FCHO2: variants seen among roughly 807,000 people sequenced by gnomAD.
FCHO2 encodes FCH and mu domain containing endocytic adaptor 2.
Under a neutral mutation model 114.1 loss-of-function variants are expected in FCHO2, and 43 were observed. The ratio of observed to expected loss-of-function variants is 0.38; its 90% CI spans 0.30 to 0.49. The LOEUF (loss-of-function observed/expected upper bound fraction) is 0.49. Among genes scored for constraint, FCHO2 ranks in the 20% least tolerant of loss-of-function variants. The pLI is 0.97. For missense variants in FCHO2, 807 were observed against 950.4 expected (o/e 0.85, Z 1.98); for synonymous variants, 293 against 315.2 (o/e 0.93, Z 0.75).
At chr5:73,017,340 T>TA in intron 8 of FCHO2, 32 bp downstream of exon 8, 1 of 1,401,490 alleles carries the variant, frequency 7.1e-7, no homozygotes. Flanking sequence ...GGAAACATTT[T>TA]AAATTTTCCC....
At chr5:73,001,246 A>C (rs1754416976) in intron 5 of FCHO2, among the ~76,000 whole-genome samples, 1 of 151,994 alleles carries the variant, frequency 6.6e-6, no homozygotes, top group Admixed American at 6.6e-5. Context: ...AAAGTTTTTA[A>C]AAAAATTAGT....
intron 2 of FCHO2, among the ~76,000 whole-genome samples, chr5:72,973,542 G>A (rs1290178452): frequency 2.6e-5 from 4 of 151,818 alleles, no homozygotes; most frequent in Admixed American, 1.3e-4. Flanking sequence ...TGGGATCGGT[G>A]GTGATATCCC....
chr5:73,030,098 G>A (rs904561169), intron 8 of FCHO2, among the ~76,000 whole-genome samples: 1 of 146,404 alleles, frequency 6.8e-6, no homozygotes, highest in African/African-American at 2.5e-5. Flanking sequence ...CTGGAGTGTA[G>A]TGACATGATC....
At chr5:73,017,421 C>G (rs1297198304) in intron 8 of FCHO2, 113 bp downstream of exon 8, 3 of 539,410 alleles carry the variant, frequency 5.6e-6, no homozygotes. Flanking sequence ...TATCACATAT[C>G]TGAAGTTAAA....
intron 1 of FCHO2, among the ~76,000 whole-genome samples, chr5:72,962,579 C>T (rs1170617177): frequency 6.6e-6 from 1 of 152,002 alleles, no homozygotes; most frequent in Non-Finnish European, 1.5e-5. Context: ...TTTCAGTTTT[C>T]TTAGTGTGGA....
chr5:73,057,090 A>AT (rs1394209871), intron 16 of FCHO2, among the ~76,000 whole-genome samples: 1 of 126,696 alleles, frequency 7.9e-6, no homozygotes, highest in African/African-American at 3.5e-5. Flanking sequence ...CTCCCAGCTA[A>AT]TTTTTTTCAA....
intron 8 of FCHO2, among the ~76,000 whole-genome samples, chr5:73,024,300 A>C (rs1755796587): frequency 6.6e-6 from 1 of 152,154 alleles, no homozygotes; most frequent in African/African-American, 2.4e-5. Flanking sequence ...GGACTGAAGC[A>C]ATCCTTCTGT....
chr5:73,060,537 T>G (rs1757806508), intron 17 of FCHO2, among the ~76,000 whole-genome samples: 3 of 152,054 alleles, frequency 2.0e-5, no homozygotes, highest in South Asian at 4.1e-4. Context: ...TACTCGCTAG[T>G]TACAACCAGT....
At chr5:72,990,657 G>A in intron 4 of FCHO2, 38 bp downstream of exon 4, 3 of 1,530,384 alleles carry the variant, frequency 2.0e-6, no homozygotes, top group South Asian at 1.3e-5. Context: ...TGATTGGTCA[G>A]ATATTGAATA....
intron 5 of FCHO2, among the ~76,000 whole-genome samples, chr5:72,996,184 A>C (rs905537147): frequency 6.6e-6 from 1 of 150,582 alleles, no homozygotes; most frequent in African/African-American, 2.4e-5. Context: ...TAGAGGTTGC[A>C]GTGAGCCAAG....
In FCHO2 at chr5:73,058,510, C is replaced by T; in HGVS notation, c.1331C>T (p.Thr444Ile). 1 of 1,405,416 alleles carries T rather than the reference C, an allele frequency of 7.1e-7. No individual in the cohort carries two copies. The highest frequency in any genetic ancestry group is 9.9e-7 in the Non-Finnish European group (1 of 1,012,340). The allele number at this position is 1,405,416 out of a possible 1,614,324, so 87.1% of individuals were successfully genotyped here. Reference protein sequence around the residue: ...SLDSSSSSSLTSSSSARPTTP... With the variant: ...SLDSSSSSSLISSSSARPTTP... ...GATTCATCTTCTTCATCTTCACTAA[C>T]TTCATCATCATCAGGTAAATATATA... The change falls in exon 17 of 26, where the codon ACT becomes ATT. Residue 444 changes from threonine to isoleucine, a missense_variant. By Grantham distance (89) the Thr-to-Ile change is moderately conservative. Transcript: ENST00000430046.
At chr5:73,016,269 G>A (rs957967165) in intron 7 of FCHO2, among the ~76,000 whole-genome samples, 1 of 150,336 alleles carries the variant, frequency 6.7e-6, no homozygotes, top group Non-Finnish European at 1.5e-5. Flanking sequence ...GGCAACATAG[G>A]GAGACCTCAT....
intron 5 of FCHO2, among the ~76,000 whole-genome samples, chr5:73,003,241 T>G (rs576820224): frequency 6.6e-6 from 1 of 152,164 alleles, no homozygotes; most frequent in African/African-American, 2.4e-5. Context: ...CTCGAACTCC[T>G]GGGCTCAAAC....
intron 1 of FCHO2, among the ~76,000 whole-genome samples, chr5:72,957,366 TAGC>T (rs1751610959): frequency 6.6e-6 from 1 of 152,196 alleles, no homozygotes; most frequent in South Asian, 2.1e-4. Context: ...CTAGACCCAT[TAGC>T]AGTCACTCCC....
chr5:73,068,877 CATT>C, intron 19 of FCHO2, 98 bp downstream of exon 19: 1 of 1,353,076 alleles, frequency 7.4e-7, no homozygotes. Flanking sequence ...AAGAATTTAA[CATT>C]ATAAATTTTG....
chr5:72,992,496 A>G (rs907710032), intron 5 of FCHO2, among the ~76,000 whole-genome samples: 3 of 152,228 alleles, frequency 2.0e-5, no homozygotes, highest in Admixed American at 6.5e-5. Flanking sequence ...CAAAAGTCCT[A>G]AAGTAGGCAG....
Position 73,068,723 on chromosome 5 carries a change from G to C in FCHO2, c.1523G>C (p.Ser508Thr), listed in dbSNP as rs1267177851. Residue 508 changes from serine to threonine, a missense_variant, in exon 19 of 26, where the codon AGT becomes ACT. Transcript: ENST00000430046. ...PPAAPLARAE[S>T]SSSISSSASL... ...GCTGCACCATTAGCCCGGGCAGAAA[G>C]TTCTTCTTCTATCTCATCATCTGCT... 1 of 1,612,260 alleles carries C rather than the reference G, an allele frequency of 6.2e-7. No individual in the cohort carries two copies. Among genetic ancestry groups the C allele is most frequent in the African/African-American group, 1.3e-5 (1 of 74,786 alleles).
chr5:73,012,791 C>T (rs923681072), intron 6 of FCHO2, among the ~76,000 whole-genome samples: 3 of 152,106 alleles, frequency 2.0e-5, no homozygotes, highest in African/African-American at 4.8e-5. Flanking sequence ...TTAGTAGTCA[C>T]TAATTTTGAG....
In FCHO2 at chr5:73,063,912, A is replaced by G. The variant is rs746142284; in HGVS notation, c.1417A>G (p.Thr473Ala). ...GAGGCCTGCTTCCAGACCAAAGCTT[A>G]CTTCAGGCAAACTCAGTGGGATTAA... is the stretch of plus-strand genomic sequence containing the variant. ...PPRPASRPKL[T>A]SGKLSGINEI... Residue 473 changes from threonine (T) to alanine (A), a missense_variant, in exon 18 of 26, where the codon ACT becomes GCT. Transcript: ENST00000430046. The G allele has an allele frequency of 5.6e-6, 9 of 1,611,562 alleles. No individual in the cohort carries two copies. The East Asian group carries it at 2.0e-4, about 36-fold the overall frequency.
Sources: allele counts gnomAD v4.1 joint callset (sites outside exome capture counted in the v4.1 genomes callset), GRCh38; gene constraint gnomAD v4.1.1; transcripts MANE v1.5; gene names NCBI Gene and HGNC (gene_info 2026-07-23, HGNC 2026-07-21).